PLEC: variants seen among roughly 807,000 people sequenced by gnomAD.
PLEC encodes the protein plectin.
In PLEC, 216 loss-of-function variants were observed where a neutral mutation model predicts 392.8. That is an observed-to-expected ratio of 0.55 (90% confidence interval 0.49 to 0.62). PLEC has a LOEUF of 0.62. Among genes scored for constraint, PLEC ranks in the 20% least tolerant of loss-of-function variants. The pLI is 0.00. For missense variants in PLEC, 6,863 were observed against 6,563.4 expected (o/e 1.05, Z -1.58); for synonymous variants, 3,621 against 2,980.6 (o/e 1.21, Z -7.00).
intron 1 of PLEC, among the ~76,000 whole-genome samples, chr8:143,967,273 G>A (rs1195626347): frequency 7.0e-6 from 1 of 143,110 alleles, no homozygotes. Context: ...TGAGGCAGGA[G>A]AATGGCTTGA....
intron 1 of PLEC, among the ~76,000 whole-genome samples, chr8:143,949,904 G>A (rs573013514): frequency 6.6e-6 from 1 of 152,266 alleles, no homozygotes; most frequent in Non-Finnish European, 1.5e-5. Context: ...CAAGGGCAGT[G>A]TTGGAGAGAG....
At position 143,927,662 on chromosome 8, in the gene PLEC, C is replaced by T; in HGVS notation, c.3504G>A (p.Gly1168=). The change falls in exon 27 of 32, where the codon GGG becomes GGA. Residue 1168 remains glycine, a synonymous_variant. Coordinates refer to ENST00000345136, the MANE Select transcript of PLEC (RefSeq NM_201384.3). The part of the protein sequence containing the change: ...EVGERLQQRH[G]ERDVEVERWR... ...AGCGCTCCACCTCCACGTCCCGCTCCCCGTGCCGCTGCTGCAGTCGCTCCC... is the reference window on the plus strand; with the variant it reads ...AGCGCTCCACCTCCACGTCCCGCTCTCCGTGCCGCTGCTGCAGTCGCTCCC... 6.3e-7 allele frequency: 1 copy of T among 1,582,014 alleles called. No homozygotes were observed. Among genetic ancestry groups the T allele is most frequent in the Non-Finnish European group, 8.6e-7 (1 of 1,165,004 alleles).
In PLEC at chr8:143,923,687, C is replaced by T. The variant is rs886044809; in HGVS notation, c.6242G>A (p.Gly2081Asp). ...QEQSVLDQLR[G>D]EAEAARRAAE... ...CGCCCGCCGGGCCGCCTCCGCCTCG[C>T]CGCGCAGCTGGTCCAGCACGCTCTG... is the stretch of plus-strand genomic sequence containing the variant. The change falls in exon 31 of 32, where the codon GGC (glycine) becomes GAC (aspartate). Residue 2081 changes from glycine (G) to aspartate (D), a missense_variant. Coordinates refer to ENST00000345136, the MANE Select transcript of PLEC (RefSeq NM_201384.3). The T allele has an allele frequency of 4.5e-6, 7 of 1,546,886 alleles. No individual in the cohort carries two copies. Among genetic ancestry groups the T allele is most frequent in the Non-Finnish European group, 6.1e-6 (7 of 1,152,464 alleles).
chr8:143,963,955 G>C (rs1274658258), intron 1 of PLEC, among the ~76,000 whole-genome samples: 4 of 151,644 alleles, frequency 2.6e-5, no homozygotes, highest in African/African-American at 9.7e-5. Context: ...TGGGATTATT[G>C]GTGTGTACTA....
In PLEC at chr8:143,935,908, T is replaced by C. The variant is rs781859111; in HGVS notation, c.542A>G (p.Asp181Gly). 2 of 1,612,948 alleles carry C rather than the reference T, an allele frequency of 1.2e-6. No individual in the cohort carries two copies. The highest frequency in any genetic ancestry group is 8.5e-7 in the Non-Finnish European group (1 of 1,179,978). Residue 181 changes from aspartate to glycine, a missense_variant, in exon 6 of 32, where the codon GAC becomes GGC. By Grantham distance (94) the Asp-to-Gly change is moderately conservative (BLOSUM62 -1). Coordinates refer to ENST00000345136, the MANE Select transcript of PLEC (RefSeq NM_201384.3). ...GTCTCTCCAGCTGGAGGTGAAGTTG[T>C]CGCATCGCAGGCCCTGGTACCCCTC... is the stretch of plus-strand genomic sequence containing the variant. ...MVEGYQGLRC[D>G]NFTSSWRDGR...
rs1827778283 is a variant in PLEC, at chr8:143,932,785, C to T, written c.1737+8G>A. On this transcript the variant is annotated splice_region_variant and intron_variant, in intron 14 of 31. Transcript: ENST00000345136. ...CCCCCGCACTGCCCATCGCTCAGCG[C>T]CACCCACCTCGTCACTCCGTGCCCG... The T allele has an allele frequency of 1.2e-6, 2 of 1,611,932 alleles. No individual in the cohort carries two copies. The highest frequency in any genetic ancestry group is 3.3e-4 in the Middle Eastern group (2 of 6,060).
rs782521341 is a variant in PLEC at position 143,924,524 on chromosome 8, T to G, written c.5405A>C (p.Glu1802Ala). The change falls in exon 31 of 32, where the codon GAG becomes GCG. Residue 1802 changes from glutamate to alanine, a missense_variant. Physicochemically the swap from Glu to Ala is moderately radical, Grantham distance 107. Coordinates refer to ENST00000345136, the MANE Select transcript of PLEC (RefSeq NM_201384.3). ...EAGRFRELAE[E>A]AARLRALAEE... ...CGCCAGGGCACGCAGGCGGGCGGCC[T>G]CCTCGGCCAGCTCGCGGAACCGGCC... The G allele has an allele frequency of 1.3e-6, 2 of 1,540,502 alleles. No homozygotes were observed. Among genetic ancestry groups the G allele is most frequent in the South Asian group, 1.2e-5 (1 of 85,132 alleles).
Position 143,924,900 on chromosome 8 carries a change from C to A in PLEC, c.5029G>T (p.Gly1677Cys). 1 of 1,587,230 alleles carries A rather than the reference C, an allele frequency of 6.3e-7. No homozygotes were observed. The highest frequency in any genetic ancestry group is 8.5e-7 in the Non-Finnish European group (1 of 1,174,440). Residue 1677 changes from glycine (G) to cysteine (C), a missense_variant, in exon 31 of 32, where the codon GGC (glycine) becomes TGC (cysteine). Gly to Cys is a radical substitution (Grantham distance 159, BLOSUM62 -3). Transcript: ENST00000345136. ...CGGACGGCCTGCTCCTCCGCCTTGC[C>A]GCGCCGCCGCGCCTCGCGCTCCGCC... Reference protein sequence around the residue: ...EEAEREARRRGKAEEQAVRQR... With the variant: ...EEAEREARRRCKAEEQAVRQR...
At chr8:143,961,068 G>A (rs565904443) in intron 1 of PLEC, among the ~76,000 whole-genome samples, 8 of 152,240 alleles carry the variant, frequency 5.3e-5, no homozygotes, top group Non-Finnish European at 8.8e-5. Context: ...CACACTGCGC[G>A]TTTGTGGCTC....
At chr8:143,968,776 T>C (rs190352455) in intron 1 of PLEC, among the ~76,000 whole-genome samples, 3 of 152,168 alleles carry the variant, frequency 2.0e-5, no homozygotes, top group Non-Finnish European at 4.4e-5. Flanking sequence ...CATCAGGAAA[T>C]GCAAATCAAA....
rs1554717842 is a variant in PLEC at position 143,932,681 on chromosome 8, T to G, written c.1769A>C (p.Tyr590Ser). The G allele has an allele frequency of 6.2e-7, 1 of 1,609,888 alleles. No homozygotes were observed. Among genetic ancestry groups the G allele is most frequent in the South Asian group, 1.1e-5 (1 of 90,722 alleles). The change falls in exon 15 of 32, where the codon TAC becomes TCC. Residue 590 changes from tyrosine (Y) to serine (S), a missense_variant. Physicochemically the swap from Tyr to Ser is moderately radical, Grantham distance 144. Transcript: ENST00000345136. ...GTCCAGCCGACCCAGGCAGTCACGG[T>G]AGGCACCCCGGGTGGCGGGGGAGAG... ...GQLSPATRGA[Y>S]RDCLGRLDLQ... is the part of the protein sequence containing the mutation.
intron 1 of PLEC, chr8:143,946,230 T>G (rs1831449664): frequency 1.5e-6 from 1 of 668,100 alleles, no homozygotes; most frequent in Admixed American, 2.8e-5. Context: ...GGGCTGTGCC[T>G]ATCCCTGCAT....
intron 1 of PLEC, among the ~76,000 whole-genome samples, chr8:143,949,760 C>T (rs1161482212): frequency 1.3e-5 from 2 of 152,170 alleles, no homozygotes; most frequent in East Asian, 1.9e-4. Context: ...GCAAGGGAGG[C>T]GGCCAGGCCA....
chr8:143,929,981 G>T lies in PLEC; in HGVS notation c.2694C>A (p.Ser898Arg). The change falls in exon 22 of 32, where the codon AGC becomes AGA. Residue 898 changes from serine (S) to arginine (R), a missense_variant. By Grantham distance (110) the Ser-to-Arg change is moderately radical. Transcript: ENST00000345136. ...VDMKSLLAWQ[S>R]LRRDVQLIRS... ...GGATGAGCTGCACGTCGCGGCGAAG[G>T]CTCTGCCAGGCCAGAAGGCTCTTCA... 6.2e-7 allele frequency: 1 copy of T among 1,611,842 alleles called. No individual in the cohort carries two copies.
In PLEC at chr8:143,927,305, C is replaced by T. The variant is rs377125427; in HGVS notation, c.3787G>A (p.Glu1263Lys). 359 of 1,613,262 alleles carry T rather than the reference C, an allele frequency of 2.2e-4. 6 individuals are homozygous for T. In the South Asian group the frequency reaches 3.4e-3, roughly 15 times the overall value. The change falls in exon 28 of 32, where the codon GAG becomes AAG. Residue 1263 changes from glutamate to lysine, a missense_variant. Glu to Lys is a moderately conservative substitution (Grantham distance 56). Transcript: ENST00000345136. ...AACCTCTGGCACTCCTCGACCTTCTCGCCGTGGCGCTCGATCTCCTCCAGC... is the reference window on the plus strand; with the variant it reads ...AACCTCTGGCACTCCTCGACCTTCTTGCCGTGGCGCTCGATCTCCTCCAGC... ...ALLEEIERHG[E>K]KVEECQRFAK... is the part of the protein sequence containing the mutation.
intron 1 of PLEC, among the ~76,000 whole-genome samples, chr8:143,948,724 G>A (rs1554733538): frequency 6.6e-6 from 1 of 152,218 alleles, no homozygotes; most frequent in East Asian, 1.9e-4. Flanking sequence ...TGGCCCTGCC[G>A]CCAGCTGCCC....
chr8:143,923,411 A>C lies in PLEC; in HGVS notation c.6518T>G (p.Phe2173Cys). Residue 2173 changes from phenylalanine to cysteine, a missense_variant, in exon 31 of 32, where the codon TTC (phenylalanine) becomes TGC (cysteine). By Grantham distance (205) the Phe-to-Cys change is radical. Transcript: ENST00000345136. ...ADAEMEKHKK[F>C]AEQTLRQKAQ... ...CTTCTGCCGCAGCGTCTGCTCGGCGAATTTCTTATGCTTCTCCATCTCCGC... is the reference window on the plus strand; with the variant it reads ...CTTCTGCCGCAGCGTCTGCTCGGCGCATTTCTTATGCTTCTCCATCTCCGC... 6.2e-7 allele frequency: 1 copy of C among 1,610,720 alleles called. No homozygotes were observed. The highest frequency in any genetic ancestry group is 8.5e-7 in the Non-Finnish European group (1 of 1,179,786).
intron 1 of PLEC, among the ~76,000 whole-genome samples, chr8:143,964,204 T>G (rs940521044): frequency 2.0e-5 from 3 of 152,142 alleles, no homozygotes; most frequent in Admixed American, 6.5e-5. Flanking sequence ...GGGGCAGATG[T>G]AAGTTTTGAG....
At position 143,924,685 on chromosome 8, in the gene PLEC, C is replaced by T; in HGVS notation, c.5244G>A (p.Gln1748=). Residue 1748 remains glutamine, a synonymous_variant, in exon 31 of 32, where the codon CAG becomes CAA. Transcript: ENST00000345136. ...RLQREAAAAT[Q]KRQELEAELA... Reference sequence around the variant, plus strand: ...GCTCGGCTTCCAGCTCCTGCCGTTTCTGCGTGGCTGCAGCCGCCTCACGCT... The same window carrying T: ...GCTCGGCTTCCAGCTCCTGCCGTTTTTGCGTGGCTGCAGCCGCCTCACGCT... The T allele has an allele frequency of 1.3e-6, 2 of 1,535,004 alleles. No homozygotes were observed. The highest frequency in any genetic ancestry group is 1.2e-5 in the South Asian group (1 of 84,122).
Sources: gnomAD v4.1 joint callset for allele counts (sites outside exome capture counted in the v4.1 genomes callset) on GRCh38, gnomAD v4.1.1 for gene constraint, MANE v1.5 for transcripts, NCBI Gene and HGNC (gene_info 2026-07-23, HGNC 2026-07-21) for gene names.